Variants in POLB observed in about 807,000 individuals in gnomAD.
POLB encodes 5'-dRP lyase.
Under a neutral mutation model 52.7 loss-of-function variants are expected in POLB, and 37 were observed. That is an observed-to-expected ratio of 0.70 (90% CI 0.54 to 0.92). The LOEUF (loss-of-function observed/expected upper bound fraction) is 0.92, where lower values mean the gene tolerates loss of function less well. POLB is among the 40% of genes least tolerant of loss of function. The probability of loss-of-function intolerance (pLI) is 0.00; values close to 1 mark genes in which losing one functional copy is unlikely to be tolerated. For synonymous variants in POLB, 138 were observed against 131.3 expected, an observed-to-expected ratio of 1.05 and a Z score of -0.35; for missense variants, 313 against 400.8, an observed-to-expected ratio of 0.78 and a Z score of 1.87.
intron 7 of POLB, 71 bp downstream of exon 7, chr8:42,355,638 C>T: frequency 3.4e-6 from 3 of 875,182 alleles, no homozygotes; most frequent in Non-Finnish European, 5.7e-6. Flanking sequence ...CTTTTATACA[C>T]CAGAAGGACT....
chr8:42,345,044 G>A (rs554257288), intron 3 of POLB, 25 bp downstream of exon 3: 29 of 1,549,200 alleles, frequency 1.9e-5, no homozygotes, highest in Admixed American at 1.2e-4. Flanking sequence ...CATGTTGATC[G>A]AAGAGTTCAC....
intron 2 of POLB, chr8:42,341,760 G>A (rs1822215852): frequency 2.0e-5 from 8 of 400,998 alleles, no homozygotes; most frequent in Non-Finnish European, 4.8e-6. Context: ...GTAGAAAATT[G>A]TTTGGTTTAG....
At chr8:42,338,782 T>C (rs995694249) in intron 1 of POLB, 97 bp downstream of exon 1, 34 of 1,274,766 alleles carry the variant, frequency 2.7e-5, no homozygotes, top group African/African-American at 4.4e-5. Context: ...GTGGGTAGGG[T>C]AGGTTCCTTG....
At chr8:42,339,401 G>A (rs1383789045) in intron 2 of POLB, 2 of 297,906 alleles carry the variant, frequency 6.7e-6, no homozygotes, top group Admixed American at 4.8e-5. Context: ...TGTGGTTCAA[G>A]GAATCACATT....
chr8:42,370,259 G>GTT (rs34271342), intron 13 of POLB: 2,729 of 288,296 alleles, frequency 9.5e-3, no homozygotes, highest in South Asian at 0.012. Context: ...ATCTAAAAGG[G>GTT]TTTTTTTTTT....
intron 1 of POLB, 139 bp from the exon 2 acceptor site, chr8:42,338,873 C>T: frequency 1.1e-6 from 1 of 936,386 alleles, no homozygotes; most frequent in Non-Finnish European, 1.7e-6. Flanking sequence ...TGGGCCATCG[C>T]TTGGGCTGCT....
rs574789412 is a variant in POLB, at chr8:42,357,347, G to A, written c.505G>A (p.Val169Met). 3 of 1,578,804 alleles carry A rather than the reference G, an allele frequency of 1.9e-6. No individual in the cohort carries two copies. The highest frequency in any genetic ancestry group is 4.5e-5 in the East Asian group (2 of 44,608). The change falls in exon 9 of 14, where the codon GTG becomes ATG. Residue 169 changes from valine to methionine, a missense_variant. Physicochemically the swap from Val to Met is conservative, Grantham distance 21. Coordinates refer to ENST00000265421, the MANE Select transcript of POLB (RefSeq NM_002690.3). ...QDIVLNEVKKVDSEYIATVCG... is the reference protein window; with the variant it reads ...QDIVLNEVKKMDSEYIATVCG... ...TATTGTACTAAATGAAGTTAAAAAA[G>A]TGGATTCTGAATACATTGCTACAGT...
At chr8:42,354,763 C>T (rs962525502) in intron 6 of POLB, among the ~76,000 whole-genome samples, 4 of 151,802 alleles carry the variant, frequency 2.6e-5, no homozygotes, top group South Asian at 2.1e-4. Context: ...AGGCTGGTCT[C>T]GAACTCCTGA....
chr8:42,354,365 G>A, intron 6 of POLB: 1 of 701,434 alleles, frequency 1.4e-6, no homozygotes, highest in South Asian at 1.5e-5. Context: ...CTATAAGGGG[G>A]CTTGTAGGAA....
chr8:42,358,274 G>A (rs980397162), intron 9 of POLB, among the ~76,000 whole-genome samples: 1 of 151,984 alleles, frequency 6.6e-6, no homozygotes, highest in Non-Finnish European at 1.5e-5. Flanking sequence ...AGGCCGAGCC[G>A]GGCGGATCAC....
chr8:42,351,076 T>C (rs889792580), intron 5 of POLB, among the ~76,000 whole-genome samples: 2 of 152,168 alleles, frequency 1.3e-5, no homozygotes, highest in African/African-American at 4.8e-5. Flanking sequence ...GGTCTCCCTA[T>C]GTTGCCTAGG....
At chr8:42,350,096 G>T in intron 5 of POLB, 31 bp downstream of exon 5, 2 of 1,430,682 alleles carry the variant, frequency 1.4e-6, no homozygotes, top group African/African-American at 1.4e-5. Context: ...AGACACAATC[G>T]TCAGTTAGTT....
chr8:42,347,249 G>A (rs28616067), intron 3 of POLB, among the ~76,000 whole-genome samples: 3 of 150,036 alleles, frequency 2.0e-5, no homozygotes, highest in Non-Finnish European at 4.5e-5. Flanking sequence ...GCCCATTTCT[G>A]GAATTACTCC....
intron 9 of POLB, chr8:42,361,075 C>T (rs997693301): frequency 5.9e-6 from 4 of 678,870 alleles, no homozygotes; most frequent in African/African-American, 5.3e-5. Context: ...TATCTAATGC[C>T]AATTACTGTT....
At chr8:42,341,860 G>C in intron 2 of POLB, 1 of 592,218 alleles carries the variant, frequency 1.7e-6, no homozygotes, top group Non-Finnish European at 3.2e-6. Context: ...TTTTGGGATG[G>C]TTCCACCTCT....
chr8:42,347,118 T>TA (rs896139972), intron 3 of POLB, among the ~76,000 whole-genome samples: 2 of 152,086 alleles, frequency 1.3e-5, no homozygotes, highest in African/African-American at 2.4e-5. Flanking sequence ...AATCTGCGCT[T>TA]ATGGTATATT....
intron 2 of POLB, among the ~76,000 whole-genome samples, chr8:42,340,888 G>A (rs1001643551): frequency 6.6e-6 from 1 of 152,130 alleles, no homozygotes; most frequent in African/African-American, 2.4e-5. Flanking sequence ...ATTCAACTTT[G>A]TATTCTATTT....
chr8:42,366,637 A>G (rs3136788), intron 11 of POLB, among the ~76,000 whole-genome samples: 13,994 of 152,212 alleles, frequency 0.092, 1,219 homozygotes, highest in African/African-American at 0.23. Context: ...TCAATTTTAG[A>G]GACAGGTAAG....
intron 3 of POLB, among the ~76,000 whole-genome samples, chr8:42,347,944 A>G (rs1038927375): frequency 6.6e-6 from 1 of 152,206 alleles, no homozygotes; most frequent in African/African-American, 2.4e-5. Flanking sequence ...AAAGGACAGG[A>G]CATTTTTCAA....
Sources: allele counts gnomAD v4.1 joint callset (sites outside exome capture counted in the v4.1 genomes callset), GRCh38; gene constraint gnomAD v4.1.1; transcripts MANE v1.5; gene names NCBI Gene and HGNC (gene_info 2026-07-23, HGNC 2026-07-21).